The following NR2F2 variants were observed in gnomAD, a reference collection of about 807,000 sequenced individuals.
NR2F2 encodes the protein nuclear receptor subfamily 2 group F member 2.
Under a neutral mutation model 34.8 loss-of-function variants are expected in NR2F2, and 2 were observed. That is an observed-to-expected ratio of 0.06 (90% CI 0.02 to 0.18). NR2F2 has a LOEUF of 0.18. Among genes scored for constraint, NR2F2 ranks in the 10% least tolerant of loss-of-function variants. NR2F2 has a pLI of 1.00. For missense variants in NR2F2, 300 were observed against 580.1 expected, an observed-to-expected ratio of 0.52 and a Z score of 4.96; for synonymous variants, 274 against 251.8, an observed-to-expected ratio of 1.09 and a Z score of -0.84.
rs528408653 is a variant in NR2F2, at chr15:96,338,986, G to A, written c.*1364G>A. Reference sequence around the variant, plus strand: ...TTTAATTTGGGTGTGTGTGTGTTGGGGGGGGAGCTGAAGTTAATGGTTTAT... The same window carrying A: ...TTTAATTTGGGTGTGTGTGTGTTGGAGGGGGAGCTGAAGTTAATGGTTTAT... On this transcript the variant is annotated 3_prime_UTR_variant, in exon 3 of 3. Transcript: ENST00000394166. 2 of 149,258 alleles carry A rather than the reference G, an allele frequency of 1.3e-5. No individual in the cohort carries two copies. The highest frequency in any genetic ancestry group is 2.2e-4 in the South Asian group (1 of 4,618). 9.2% of individuals were successfully genotyped at this position (149,258 alleles called of 1,614,324 possible). A position where few individuals can be genotyped will look rare whatever the true frequency, so the allele number is the denominator to read the frequency against.
In NR2F2 at chr15:96,340,136, T is replaced by C. The variant is rs1413327498; in HGVS notation, c.*2514T>C. The C allele has an allele frequency of 6.6e-6, 1 of 152,230 alleles. No homozygotes were observed. Among genetic ancestry groups the C allele is most frequent in the Non-Finnish European group, 1.5e-5 (1 of 68,040 alleles). 9.4% of individuals were successfully genotyped at this position (152,230 alleles called of 1,614,324 possible). A position where few individuals can be genotyped will look rare whatever the true frequency, so the allele number is the denominator to read the frequency against. On this transcript the variant is annotated 3_prime_UTR_variant, in exon 3 of 3. Transcript: ENST00000394166. ...GTGCTATCCATGTGAGTGTGTGAAG[T>C]TTCTCTAATAAGTAAAACACAGGCC... is the stretch of plus-strand genomic sequence containing the variant.
rs1899444749 is a variant in NR2F2 at position 96,339,735 on chromosome 15, T to C, written c.*2113T>C. On this transcript the variant is annotated 3_prime_UTR_variant, in exon 3 of 3. Coordinates refer to ENST00000394166, the MANE Select transcript of NR2F2 (RefSeq NM_021005.4). ...GAGTCTTTTTTTCATTTTTCCTCTT[T>C]CTCTTTTCCTGGTTTGGAGGAAGCT... 6.6e-6 allele frequency: 1 copy of C among 152,156 alleles called. No homozygotes were observed. The highest frequency in any genetic ancestry group is 2.4e-5 in the African/African-American group (1 of 41,438). The allele number at this position is 152,156 out of a possible 1,614,324, so 9.4% of individuals were successfully genotyped here. A position where few individuals can be genotyped will look rare whatever the true frequency, so the allele number is the denominator to read the frequency against.
In NR2F2 at chr15:96,331,065, G is replaced by C; in HGVS notation, c.-1041G>C. On this transcript the variant is annotated 5_prime_UTR_variant, in exon 1 of 3. Coordinates refer to ENST00000394166, the MANE Select transcript of NR2F2 (RefSeq NM_021005.4). Reference sequence around the variant, plus strand: ...TGAGGCGGCGGCGGCAGCAGCAGCAGCAGCGGCTCCGGCGGCGGCAGCAGC... The same window carrying C: ...TGAGGCGGCGGCGGCAGCAGCAGCACCAGCGGCTCCGGCGGCGGCAGCAGC... The C allele has an allele frequency of 8.1e-7, 1 of 1,240,574 alleles. No individual in the cohort carries two copies. Among genetic ancestry groups the C allele is most frequent in the Non-Finnish European group, 1.0e-6 (1 of 996,224 alleles). 76.8% of individuals were successfully genotyped at this position (1,240,574 alleles called of 1,614,324 possible). A position where few individuals can be genotyped will look rare whatever the true frequency, so the allele number is the denominator to read the frequency against.
chr15:96,328,152 A>G (rs1467344898), upstream of NR2F2, among the ~76,000 whole-genome samples: 2 of 152,150 alleles, frequency 1.3e-5, no homozygotes, highest in African/African-American at 4.8e-5. Flanking sequence ...CCCTTGTAAC[A>G]GCATTTCATA....
Position 96,331,554 on chromosome 15 carries a change from T to G in NR2F2, c.-552T>G, listed in dbSNP as rs1300058660. The stretch of plus-strand genomic sequence containing the variant: ...TCGCCTCTCCTCCTCCTCTACCTCC[T>G]CCTTCACCACCACCTCCTCTTCCTC... On this transcript the variant is annotated 5_prime_UTR_variant, in exon 1 of 3. Transcript: ENST00000394166. 1.6e-6 allele frequency: 2 copies of G among 1,226,970 alleles called. No individual in the cohort carries two copies. The highest frequency in any genetic ancestry group is 2.0e-6 in the Non-Finnish European group (2 of 986,142). 76.0% of individuals were successfully genotyped at this position (1,226,970 alleles called of 1,614,324 possible). A position where few individuals can be genotyped will look rare whatever the true frequency, so the allele number is the denominator to read the frequency against.
At chr15:96,327,397 G>A (rs1464631418), upstream of NR2F2, 3 of 152,184 alleles carry the variant, frequency 2.0e-5, no homozygotes, top group East Asian at 3.8e-4. Flanking sequence ...TTTAGGCAGC[G>A]AGGACTCTTA....
Position 96,332,954 on chromosome 15 carries a change from A to C in NR2F2, c.442+407A>C, listed in dbSNP as rs558710744. 6.5e-3 allele frequency among the ~76,000 whole-genome samples: 977 copies of C among 151,174 alleles called. 8 individuals are homozygous for C. The highest frequency in any genetic ancestry group is 0.01 in the Non-Finnish European group (689 of 67,790). Reference sequence around the variant, plus strand: ...CCCCCACCCTCTCAAAAAAAAAAAAAAAAAAACCTGAGATTGTACTTTTGT... The same window carrying C: ...CCCCCACCCTCTCAAAAAAAAAAAACAAAAAACCTGAGATTGTACTTTTGT... On this transcript the variant is annotated intron_variant, in intron 1 of 2. Coordinates refer to ENST00000394166, the MANE Select transcript of NR2F2 (RefSeq NM_021005.4).
In NR2F2 at chr15:96,331,256, G is replaced by C. The variant is rs1899131200; in HGVS notation, c.-850G>C. On this transcript the variant is annotated 5_prime_UTR_variant, in exon 1 of 3. Transcript: ENST00000394166. Reference sequence around the variant, plus strand: ...GCGGGCGGCGGCGGCCGGAGAGAGCGAGGCGCGCGCCGGACGCCCGGGGCA... The same window carrying C: ...GCGGGCGGCGGCGGCCGGAGAGAGCCAGGCGCGCGCCGGACGCCCGGGGCA... 4.0e-6 allele frequency: 4 copies of C among 991,596 alleles called. No individual in the cohort carries two copies. The highest frequency in any genetic ancestry group is 3.6e-6 in the Non-Finnish European group (3 of 835,580). The allele number at this position is 991,596 out of a possible 1,614,324, so 61.4% of individuals were successfully genotyped here.
At chr15:96,333,201 T>C (rs941336473) in intron 1 of NR2F2, 2 of 288,270 alleles carry the variant, frequency 6.9e-6, no homozygotes, top group Admixed American at 6.5e-5. Context: ...TCTGCGCGAG[T>C]TGGGTCTTTG....
upstream of NR2F2, among the ~76,000 whole-genome samples, chr15:96,329,311 C>A (rs1899068014): frequency 6.6e-6 from 1 of 152,194 alleles, no homozygotes; most frequent in Non-Finnish European, 1.5e-5. Context: ...GAGAGCAATT[C>A]TACATGTTTG....
upstream of NR2F2, chr15:96,326,274 C>G (rs368978351): frequency 1.3e-5 from 20 of 1,591,968 alleles, no homozygotes; most frequent in Middle Eastern, 3.3e-4. The surrounding 1 kb of genome is among the most constrained non-coding windows in gnomAD (Gnocchi z 5.5). Context: ...TTTCACCCGC[C>G]AAACTAAAGG....
Position 96,337,496 on chromosome 15 carries a change from C to A in NR2F2, c.1119C>A (p.Val373=). Residue 373 remains valine (V), a synonymous_variant, in exon 3 of 3, where the codon GTC becomes GTA. Coordinates refer to ENST00000394166, the MANE Select transcript of NR2F2 (RefSeq NM_021005.4). The part of the protein sequence containing the change: ...LLLRLPSLRT[V]SSSVIEQLFF... ...TTCGCCTCCCTTCCCTCCGCACCGT[C>A]TCCTCCTCAGTCATAGAGCAATTGT... 3 of 1,614,168 alleles carry A rather than the reference C, an allele frequency of 1.9e-6. No homozygotes were observed. Among genetic ancestry groups the A allele is most frequent in the Non-Finnish European group, 2.5e-6 (3 of 1,180,040 alleles).
Position 96,338,666 on chromosome 15 carries a change from T to TA in NR2F2, c.*1051dup, listed in dbSNP as rs1899406120. 2 of 152,522 alleles carry TA rather than the reference T, an allele frequency of 1.3e-5. No homozygotes were observed. Among genetic ancestry groups the TA allele is most frequent in the South Asian group, 2.1e-4 (1 of 4,830 alleles). The allele number at this position is 152,522 out of a possible 1,614,324, so 9.4% of individuals were successfully genotyped here. ...ATCTTAGAGTTTACAGTTTGTGTTT[T>TA]AAAAAAACTGAAGGTTTTTTTTTTA... On this transcript the variant is annotated 3_prime_UTR_variant, in exon 3 of 3. Transcript: ENST00000394166.
chr15:96,340,171 GTTTGT>G lies in NR2F2; in HGVS notation c.*2555_*2559del, dbSNP rs1484657792. 1 of 151,858 alleles carries G rather than the reference GTTTGT, an allele frequency of 6.6e-6. No homozygotes were observed. The highest frequency in any genetic ancestry group is 1.5e-5 in the Non-Finnish European group (1 of 67,990). 9.4% of individuals were successfully genotyped at this position (151,858 alleles called of 1,614,324 possible). On this transcript the variant is annotated 3_prime_UTR_variant, in exon 3 of 3. Coordinates refer to ENST00000394166, the MANE Select transcript of NR2F2 (RefSeq NM_021005.4). Reference sequence around the variant, plus strand: ...AAGTAAAACACAGGCCCTTTTCCTTGTTTGTTTTGTGTTAGTTTATTGTAAACAGC... The same window carrying G: ...AAGTAAAACACAGGCCCTTTTCCTTGTTTGTGTTAGTTTATTGTAAACAGC...
intron 1 of NR2F2, among the ~76,000 whole-genome samples, chr15:96,332,941 CA>C (rs752483227): frequency 0.087 from 5,039 of 58,018 alleles, 393 homozygotes; most frequent in African/African-American, 0.25. Context: ...CCCACCCTCT[CA>C]AAAAAAAAAA....
Position 96,337,303 on chromosome 15 carries a change from TTC to T in NR2F2, c.971-43_971-42del, listed in dbSNP as rs781054644. The T allele has an allele frequency of 3.2e-6, 5 of 1,571,702 alleles. No homozygotes were observed. In the East Asian group the frequency reaches 9.0e-5, roughly 28 times the overall value. On this transcript the variant is annotated intron_variant, in intron 2 of 2. Coordinates refer to ENST00000394166, the MANE Select transcript of NR2F2 (RefSeq NM_021005.4). ...TGAATTCTTCTTCTTCTTCTTCTTC[TTC>T]TTTTTCTTCTTCTTCTTCTTCTGTT...
At position 96,337,794 on chromosome 15, in the gene NR2F2, T is replaced by G; in HGVS notation, c.*172T>G. On this transcript the variant is annotated 3_prime_UTR_variant, in exon 3 of 3. Transcript: ENST00000394166. ...GAATTTCAAAAAAAAAAAAAAAGACTGTCAAATGAACTTTTACAGAATGCA... is the reference window on the plus strand; with the variant it reads ...GAATTTCAAAAAAAAAAAAAAAGACGGTCAAATGAACTTTTACAGAATGCA... 2.8e-6 allele frequency: 1 copy of G among 361,686 alleles called. No individual in the cohort carries two copies. Among genetic ancestry groups the G allele is most frequent in the Non-Finnish European group, 4.5e-6 (1 of 222,722 alleles). The allele number at this position is 361,686 out of a possible 1,614,324, so 22.4% of individuals were successfully genotyped here.
At chr15:96,329,875 G>A (rs571460268), upstream of NR2F2, among the ~76,000 whole-genome samples, 200 of 152,166 alleles carry the variant, frequency 1.3e-3, no homozygotes, top group Non-Finnish European at 2.1e-3. Flanking sequence ...CAGCATCCGA[G>A]ATGCTTTATT....
rs1899175831 is a variant in NR2F2 at position 96,332,492 on chromosome 15, C to T, written c.387C>T (p.Asn129=). The change falls in exon 1 of 3, where the codon AAC becomes AAT. Residue 129 remains asparagine (N), a synonymous_variant. Transcript: ENST00000394166. The part of the protein sequence containing the change: ...RNCPIDQHHR[N]QCQYCRLKKC... ...GTCCCATCGACCAGCACCATCGCAACCAGTGCCAGTACTGCCGCCTCAAAA... is the reference window on the plus strand; with the variant it reads ...GTCCCATCGACCAGCACCATCGCAATCAGTGCCAGTACTGCCGCCTCAAAA... 2 of 1,614,190 alleles carry T rather than the reference C, an allele frequency of 1.2e-6. No individual in the cohort carries two copies. The highest frequency in any genetic ancestry group is 1.7e-6 in the Non-Finnish European group (2 of 1,180,018).
Sources: gnomAD v4.1 joint callset for allele counts (sites outside exome capture counted in the v4.1 genomes callset) on GRCh38, gnomAD v4.1.1 for gene constraint, Gnocchi (gnomAD v3.1) non-coding constraint, MANE v1.5 for transcripts, NCBI Gene and HGNC (gene_info 2026-07-23, HGNC 2026-07-21) for gene names.